Variants in ZNF800 observed in about 807,000 individuals in gnomAD.
ZNF800 encodes the protein zinc finger protein 800.
Under a neutral mutation model 59.5 loss-of-function variants are expected in ZNF800, and 13 were observed. That is an observed-to-expected ratio of 0.22 (90% CI 0.14 to 0.35). The LOEUF (loss-of-function observed/expected upper bound fraction) is 0.35. ZNF800 is among the 10% of genes least tolerant of loss of function. ZNF800 has a pLI of 1.00. For synonymous variants in ZNF800, 266 were observed against 265.7 expected (o/e 1.00, Z -0.01); for missense variants, 621 against 783.7 (o/e 0.79, Z 2.48).
At chr7:127,365,048 G>A (rs534610303), downstream of ZNF800, among the ~76,000 whole-genome samples, 4 of 152,214 alleles carry the variant, frequency 2.6e-5, no homozygotes, top group South Asian at 6.2e-4. Flanking sequence ...TGGAAGGCAA[G>A]CTGCATTTCA....
rs545352529 is a variant in ZNF800 at position 127,351,748 on chromosome 7, C to T, written n.225-3705G>A. ...ACAACCTCCCAGTGCCATGGCCATC[C>T]TTCTAAGGATTCAGATGTTGCTACC... On this transcript the variant is annotated intron_variant and non_coding_transcript_variant, in intron 1 of 1. Transcript: ENST00000485577. Among the ~76,000 whole-genome samples, 5 of 152,338 alleles carry T rather than the reference C, an allele frequency of 3.3e-5. No homozygotes were observed. The South Asian group carries it at 1.0e-3, about 32-fold the overall frequency.
downstream of ZNF800, among the ~76,000 whole-genome samples, chr7:127,365,546 T>C (rs1800486729): frequency 1.3e-5 from 2 of 152,090 alleles, no homozygotes; most frequent in Admixed American, 1.3e-4. Context: ...GCCTAATGTT[T>C]ACCAAAACAA....
At chr7:127,354,452 GCT>G (rs1800229984) in intron 1 of ZNF800, among the ~76,000 whole-genome samples, 1 of 151,784 alleles carries the variant, frequency 6.6e-6, no homozygotes, top group African/African-American at 2.4e-5. Context: ...AAAATCCCGG[GCT>G]CTACAATTTT....
intron 3 of ZNF800, among the ~76,000 whole-genome samples, chr7:127,379,852 ACC>A (rs1562907479): frequency 6.2e-5 from 1 of 16,190 alleles, no homozygotes; most frequent in African/African-American, 2.2e-4. Flanking sequence ...CCACCCCCCC[ACC>A]CCCCCCACAC....
chr7:127,344,714 G>A (rs1800026797), downstream of ZNF800, among the ~76,000 whole-genome samples: 1 of 152,080 alleles, frequency 6.6e-6, no homozygotes, highest in Admixed American at 6.5e-5. Context: ...CGCTCCAAGT[G>A]TGTGTAGGAA....
chr7:127,370,901 A>G lies in ZNF800; in HGVS notation c.*913T>C, dbSNP rs1422113585. ...GGGAGAAAAAAAAATCAGGGCTTAC[A>G]CCCGCATCTTCCTTTTGTAGCAATA... On this transcript the variant is annotated 3_prime_UTR_variant, in exon 6 of 6. Coordinates refer to ENST00000265827, the MANE Select transcript of ZNF800 (RefSeq NM_176814.5). 1.3e-5 allele frequency: 2 copies of G among 152,544 alleles called. No homozygotes were observed. The highest frequency in any genetic ancestry group is 2.9e-5 in the Non-Finnish European group (2 of 67,972). The allele number at this position is 152,544 out of a possible 1,614,324, so 9.4% of individuals were successfully genotyped here. A position where few individuals can be genotyped will look rare whatever the true frequency, so the allele number is the denominator to read the frequency against.
At position 127,392,089 on chromosome 7, in the gene ZNF800, C is replaced by T; in HGVS notation, c.-88G>A. ...CTCTTAGGGCGGGCCGGCGGGCGGG[C>T]GGAAGGAAGGAAGGCAGGCCGGGCG... On this transcript the variant is annotated 5_prime_UTR_variant, in exon 1 of 6. Transcript: ENST00000265827. 1 of 392,174 alleles carries T rather than the reference C, an allele frequency of 2.5e-6. No homozygotes were observed. The highest frequency in any genetic ancestry group is 4.5e-6 in the Non-Finnish European group (1 of 222,150). 24.3% of individuals were successfully genotyped at this position (392,174 alleles called of 1,614,324 possible). A position where few individuals can be genotyped will look rare whatever the true frequency, so the allele number is the denominator to read the frequency against.
At chr7:127,360,817 G>C (rs1800378746) in intron 1 of ZNF800, 1 of 152,126 alleles carries the variant, frequency 6.6e-6, no homozygotes, top group South Asian at 2.1e-4. Flanking sequence ...GCATGCAAAT[G>C]TGTACTTGGA....
chr7:127,355,183 C>T (rs1192382343), intron 1 of ZNF800, among the ~76,000 whole-genome samples: 1 of 151,946 alleles, frequency 6.6e-6, no homozygotes, highest in Non-Finnish European at 1.5e-5. Context: ...CATCCATAAT[C>T]TTTATAAACA....
intron 2 of ZNF800, among the ~76,000 whole-genome samples, chr7:127,390,715 T>C (rs895598742): frequency 1.2e-4 from 19 of 152,224 alleles, no homozygotes; most frequent in Non-Finnish European, 1.9e-4. Flanking sequence ...TTAGTGATGG[T>C]ATGCATTCAA....
intron 1 of ZNF800, among the ~76,000 whole-genome samples, chr7:127,356,399 G>C (rs1800271955): frequency 6.6e-6 from 1 of 151,906 alleles, no homozygotes; most frequent in Admixed American, 6.6e-5. Context: ...CAAATATAAA[G>C]AAGGCTATAA....
At chr7:127,379,399 C>T (rs549658714) in intron 3 of ZNF800, among the ~76,000 whole-genome samples, 2 of 152,098 alleles carry the variant, frequency 1.3e-5, no homozygotes, top group Non-Finnish European at 2.9e-5. Flanking sequence ...ACTACAAAAC[C>T]TGCTAGACCC....
chr7:127,385,437 A>T (rs1044071657), intron 3 of ZNF800, among the ~76,000 whole-genome samples: 3 of 152,232 alleles, frequency 2.0e-5, no homozygotes, highest in African/African-American at 7.2e-5. Flanking sequence ...TACCTATTTT[A>T]AAACACTGGA....
downstream of ZNF800, among the ~76,000 whole-genome samples, chr7:127,369,273 G>C (rs570547285): frequency 2.6e-5 from 4 of 152,234 alleles, no homozygotes; most frequent in Non-Finnish European, 5.9e-5. Context: ...AGCAAAGGTA[G>C]ATATAATTTA....
chr7:127,391,795 G>A (rs1182253880), intron 1 of ZNF800, among the ~76,000 whole-genome samples, 180 bp from the exon 2 acceptor site: 1 of 152,136 alleles, frequency 6.6e-6, no homozygotes, highest in Non-Finnish European at 1.5e-5. Context: ...CCCCACACAG[G>A]TTCATCGCCC....
chr7:127,372,877 A>G lies in ZNF800; in HGVS notation c.1994+465T>C, dbSNP rs1286679608. 7.1e-6 allele frequency: 7 copies of G among 985,334 alleles called. No homozygotes were observed. In the East Asian group the frequency reaches 6.8e-4, roughly 96 times the overall value. 61.0% of individuals were successfully genotyped at this position (985,334 alleles called of 1,614,324 possible). Reference sequence around the variant, plus strand: ...TCACAGATTAATTTTTACAATAATTACAGTGCCTCAAAAGATTTTTTCCTA... The same window carrying G: ...TCACAGATTAATTTTTACAATAATTGCAGTGCCTCAAAAGATTTTTTCCTA... On this transcript the variant is annotated intron_variant, in intron 5 of 5. Transcript: ENST00000265827.
chr7:127,366,145 T>C (rs1397237830), downstream of ZNF800, among the ~76,000 whole-genome samples: 2 of 152,118 alleles, frequency 1.3e-5, no homozygotes, highest in East Asian at 1.9e-4. Context: ...TCAGGTCTTC[T>C]TGACTCTTAA....
chr7:127,373,227 T>C, intron 5 of ZNF800, 115 bp downstream of exon 5: 1 of 1,471,636 alleles, frequency 6.8e-7, no homozygotes, highest in South Asian at 1.4e-5. Context: ...CCCATTGCCA[T>C]GAGATATATG....
intron 4 of ZNF800, among the ~76,000 whole-genome samples, chr7:127,375,484 A>T (rs545101554): frequency 2.6e-4 from 40 of 152,072 alleles, no homozygotes; most frequent in Non-Finnish European, 5.3e-4. Context: ...ATTCCCATTA[A>T]CTTAATCCAT....
Sources: gnomAD v4.1 joint callset for allele counts (sites outside exome capture counted in the v4.1 genomes callset) on GRCh38, gnomAD v4.1.1 for gene constraint, MANE v1.5 for transcripts, NCBI Gene and HGNC (gene_info 2026-07-23, HGNC 2026-07-21) for gene names.